The following PDE4B variants were observed in gnomAD, a reference collection of about 807,000 sequenced individuals.
PDE4B encodes the protein phosphodiesterase 4B, also known as 3',5'-cyclic-AMP phosphodiesterase 4B.
In PDE4B, 20 loss-of-function variants were observed where a neutral mutation model predicts 82.2. The ratio of observed to expected loss-of-function variants is 0.24; its 90% CI spans 0.17 to 0.35. The LOEUF (loss-of-function observed/expected upper bound fraction) is 0.35, where lower values mean the gene tolerates loss of function less well. Ranked by LOEUF, PDE4B falls within the 10% of genes least tolerant of loss-of-function variation. The pLI is 1.00. For missense variants in PDE4B, 655 were observed against 907.2 expected (o/e 0.72, Z 3.57); for synonymous variants, 320 against 318.9 (o/e 1.00, Z -0.04).
At chr1:66,129,779 T>A (rs1051614503) in intron 3 of PDE4B, among the ~76,000 whole-genome samples, 2 of 151,638 alleles carry the variant, frequency 1.3e-5, no homozygotes, top group African/African-American at 2.4e-5. Context: ...GTGTAAAAAG[T>A]GTGTGTGCTA....
At chr1:65,876,680 GTA>G (rs2100324506) in intron 1 of PDE4B, among the ~76,000 whole-genome samples, 1 of 152,170 alleles carries the variant, frequency 6.6e-6, no homozygotes, top group South Asian at 2.1e-4. Context: ...CACATTGTAT[GTA>G]TATAGAATTA....
intron 8 of PDE4B, among the ~76,000 whole-genome samples, chr1:66,343,978 G>C (rs1056448569): frequency 2.0e-5 from 3 of 151,972 alleles, no homozygotes; most frequent in Non-Finnish European, 4.4e-5. Flanking sequence ...CCTTCTAATG[G>C]GTCACTAATG....
chr1:66,361,215 C>A (rs1451146039), intron 9 of PDE4B, among the ~76,000 whole-genome samples: 2 of 151,950 alleles, frequency 1.3e-5, no homozygotes, highest in African/African-American at 4.8e-5. Flanking sequence ...ATATGTTAAT[C>A]CCTTTATTTA....
intron 1 of PDE4B, among the ~76,000 whole-genome samples, chr1:65,859,795 T>G (rs138637489): frequency 2.0e-5 from 3 of 152,342 alleles, no homozygotes; most frequent in Non-Finnish European, 4.4e-5. Flanking sequence ...TATATCACAT[T>G]AAATTAATGA....
intron 3 of PDE4B, among the ~76,000 whole-genome samples, chr1:66,173,401 G>C (rs1016258993): frequency 3.9e-5 from 6 of 152,146 alleles, no homozygotes; most frequent in Non-Finnish European, 7.4e-5. Context: ...AACTGGTCAG[G>C]GTGTTTCCCA....
At chr1:66,270,642 C>T (rs111607920) in intron 7 of PDE4B, among the ~76,000 whole-genome samples, 3,176 of 152,192 alleles carry the variant, frequency 0.021, 99 homozygotes, top group African/African-American at 0.073. Flanking sequence ...ACAAGCAGAA[C>T]CTTTGCTTGG....
intron 3 of PDE4B, among the ~76,000 whole-genome samples, chr1:66,155,735 A>G (rs1646490420): frequency 6.6e-6 from 1 of 152,098 alleles, no homozygotes; most frequent in Non-Finnish European, 1.5e-5. Flanking sequence ...TGCCCTAGTG[A>G]TATTAATTTC....
rs534636154 is a variant in PDE4B, at chr1:65,816,320, G to GAT, written c.-71+23077_-71+23078dup. 5.3e-5 allele frequency among the ~76,000 whole-genome samples: 8 copies of GAT among 151,620 alleles called. No homozygotes were observed. In the East Asian group the frequency reaches 1.5e-3, roughly 29 times the overall value. On this transcript the variant is annotated intron_variant, in intron 1 of 16. Transcript: ENST00000341517. ...CCTTGACAGCTAATAAACGCTTGAAGATATATTAATTCTCCATAGTAACCA... is the reference window on the plus strand; with the variant it reads ...CCTTGACAGCTAATAAACGCTTGAAGATATATATTAATTCTCCATAGTAACCA...
intron 1 of PDE4B, among the ~76,000 whole-genome samples, chr1:65,861,725 GA>G (rs1452744516): frequency 2.0e-5 from 3 of 151,970 alleles, no homozygotes; most frequent in Non-Finnish European, 2.9e-5. Context: ...TTGTTTCCTG[GA>G]GCAGTGGTTT....
chr1:66,283,407 C>T (rs1425000219), intron 7 of PDE4B, among the ~76,000 whole-genome samples: 3 of 151,712 alleles, frequency 2.0e-5, no homozygotes, highest in Non-Finnish European at 4.4e-5. Flanking sequence ...ATGTCAGTCC[C>T]CTTGTGTCAG....
intron 3 of PDE4B, among the ~76,000 whole-genome samples, chr1:66,182,880 A>G (rs149070541): frequency 2.0e-5 from 3 of 152,376 alleles, no homozygotes; most frequent in African/African-American, 7.2e-5. Context: ...AATTTTAAAA[A>G]GAGAAAAAAA....
intron 3 of PDE4B, among the ~76,000 whole-genome samples, chr1:66,238,948 T>C (rs1652671540): frequency 6.6e-6 from 1 of 152,186 alleles, no homozygotes; most frequent in African/African-American, 2.4e-5. Context: ...TTCAAACATA[T>C]ATCTAGAACT....
intron 3 of PDE4B, among the ~76,000 whole-genome samples, chr1:65,966,207 A>G (rs1649820872): frequency 6.6e-6 from 1 of 152,220 alleles, no homozygotes; most frequent in African/African-American, 2.4e-5. Context: ...AAGTCTCAGG[A>G]TATAAAATCA....
rs1300508789 is a variant in PDE4B, at chr1:65,893,077, G to A, written c.-70-20168G>A. On this transcript the variant is annotated intron_variant, in intron 1 of 16. Coordinates refer to ENST00000341517, the MANE Select transcript of PDE4B (RefSeq NM_002600.4). ...GATGGGTGGTGATTGTGAAAGAGAA[G>A]TATCTAGGAGGCATTCTTTGGAAGG... Among the ~76,000 whole-genome samples the A allele has an allele frequency of 7.2e-5, 11 of 152,208 alleles. No individual in the cohort carries two copies. The East Asian group carries it at 1.9e-3, about 27-fold the overall frequency.
chr1:65,868,860 T>A (rs1233248423), intron 1 of PDE4B, among the ~76,000 whole-genome samples: 1 of 152,194 alleles, frequency 6.6e-6, no homozygotes, highest in Non-Finnish European at 1.5e-5. Flanking sequence ...GCACACTTTT[T>A]ATGAGAATCT....
At chr1:66,368,760 G>A in intron 15 of PDE4B, 27 bp from the exon 16 acceptor site, 1 of 1,485,498 alleles carries the variant, frequency 6.7e-7, no homozygotes, top group Non-Finnish European at 9.0e-7. Context: ...CTAATTTTAT[G>A]AGATTTCCAA....
chr1:65,875,971 A>G (rs926020396), intron 1 of PDE4B, among the ~76,000 whole-genome samples: 1 of 152,122 alleles, frequency 6.6e-6, no homozygotes, highest in African/African-American at 2.4e-5. Context: ...AATGGGGAAA[A>G]AAAAAGAAAG....
At chr1:66,113,081 T>C (rs1314729049) in intron 3 of PDE4B, among the ~76,000 whole-genome samples, 1 of 152,194 alleles carries the variant, frequency 6.6e-6, no homozygotes, top group African/African-American at 2.4e-5. Flanking sequence ...TGAAAGGTGC[T>C]TTTCCCCATG....
At chr1:66,357,058 G>C (rs1178750037) in intron 9 of PDE4B, among the ~76,000 whole-genome samples, 2 of 152,124 alleles carry the variant, frequency 1.3e-5, no homozygotes, top group Non-Finnish European at 2.9e-5. Context: ...TCATTAGCTG[G>C]GAGCTGTTTT....
Sources: gnomAD v4.1 joint callset for allele counts (sites outside exome capture counted in the v4.1 genomes callset) on GRCh38, gnomAD v4.1.1 for gene constraint, MANE v1.5 for transcripts, NCBI Gene and HGNC (gene_info 2026-07-23, HGNC 2026-07-21) for gene names.